OLFM3: variants seen among roughly 807,000 people sequenced by gnomAD.
OLFM3 encodes the protein noelin-3.
In OLFM3, 20 loss-of-function variants were observed where a neutral mutation model predicts 48.6. That is an observed-to-expected ratio of 0.41 (90% CI 0.29 to 0.60). OLFM3 has a LOEUF of 0.60. OLFM3 is among the 20% of genes least tolerant of loss of function. The pLI is 0.28. For synonymous variants in OLFM3, 222 were observed against 198.1 expected (o/e 1.12, Z -1.01); for missense variants, 437 against 544.3 (o/e 0.80, Z 1.96).
At chr1:101,985,331 TAGAA>T (rs1192537435) in intron 1 of OLFM3, among the ~76,000 whole-genome samples, 7 of 152,214 alleles carry the variant, frequency 4.6e-5, no homozygotes, top group African/African-American at 1.7e-4. Context: ...TTTTGCGAAT[TAGAA>T]AGCAGACATC....
intron 1 of OLFM3, among the ~76,000 whole-genome samples, chr1:101,871,635 C>T (rs1657087383): frequency 6.6e-6 from 1 of 151,918 alleles, no homozygotes; most frequent in African/African-American, 2.4e-5. Flanking sequence ...ATAGATAAGT[C>T]ACTCAGGCAC....
At chr1:101,972,497 A>C (rs559968674) in intron 1 of OLFM3, among the ~76,000 whole-genome samples, 9 of 152,154 alleles carry the variant, frequency 5.9e-5, no homozygotes, top group Non-Finnish European at 1.0e-4. Context: ...TCGAGAGTAG[A>C]CTTTAGGATG....
chr1:101,927,508 C>T lies in OLFM3; in HGVS notation c.69+69240G>A, dbSNP rs376445594. On this transcript the variant is annotated intron_variant, in intron 1 of 5. Transcript: ENST00000370103. ...AAGAAGATAATCAGGTTAAAGCTAG[C>T]AGCACTATGGAAAATTTTCTTTCTT... Among the ~76,000 whole-genome samples the T allele has an allele frequency of 8.8e-4, 133 of 151,926 alleles. 3 individuals are homozygous for T. The South Asian group carries it at 0.028, about 32-fold the overall frequency.
At chr1:101,865,527 C>T (rs1021895512) in intron 1 of OLFM3, among the ~76,000 whole-genome samples, 7 of 152,160 alleles carry the variant, frequency 4.6e-5, no homozygotes, top group Non-Finnish European at 1.0e-4. Context: ...TGTGACATTA[C>T]TCCACATGTG....
At chr1:101,993,953 GAA>G (rs11394644) in intron 1 of OLFM3, among the ~76,000 whole-genome samples, 4 of 115,362 alleles carry the variant, frequency 3.5e-5, no homozygotes, top group Non-Finnish European at 1.9e-5. Context: ...TTCAGCGACA[GAA>G]AAAAAAAAAA....
intron 1 of OLFM3, among the ~76,000 whole-genome samples, chr1:101,972,799 C>T (rs917033292): frequency 1.2e-4 from 19 of 152,280 alleles, no homozygotes; most frequent in Non-Finnish European, 2.5e-4. Context: ...AGCTTAGACC[C>T]TCCTCTCACT....
At chr1:101,939,742 G>A (rs1012322663) in intron 1 of OLFM3, among the ~76,000 whole-genome samples, 1 of 152,108 alleles carries the variant, frequency 6.6e-6, no homozygotes, top group Non-Finnish European at 1.5e-5. Context: ...TAGAAAATAT[G>A]GGCTACCTTC....
At chr1:101,983,316 T>G (rs1310723931) in intron 1 of OLFM3, among the ~76,000 whole-genome samples, 2 of 152,224 alleles carry the variant, frequency 1.3e-5, no homozygotes, top group African/African-American at 4.8e-5. Flanking sequence ...AACCTTTCTT[T>G]AAGGATTCCT....
chr1:101,822,933 T>A (rs1463868160), intron 4 of OLFM3, among the ~76,000 whole-genome samples: 4 of 152,050 alleles, frequency 2.6e-5, no homozygotes, highest in Non-Finnish European at 5.9e-5. Context: ...CCTTGCTTAG[T>A]CTTATCATGC....
intron 4 of OLFM3, among the ~76,000 whole-genome samples, chr1:101,823,080 G>A (rs544389651): frequency 1.6e-4 from 24 of 152,092 alleles, no homozygotes; most frequent in African/African-American, 5.8e-4. Context: ...TCCTTATAGA[G>A]TAAATTTATT....
intron 1 of OLFM3, among the ~76,000 whole-genome samples, chr1:101,968,234 T>A (rs1660675478): frequency 6.6e-6 from 1 of 152,186 alleles, no homozygotes; most frequent in Admixed American, 6.5e-5. Flanking sequence ...ACCTACATGA[T>A]GCATTTGGCA....
At chr1:101,812,499 G>A in intron 4 of OLFM3, 1 of 985,336 alleles carries the variant, frequency 1.0e-6, no homozygotes, top group African/African-American at 1.7e-5. Flanking sequence ...CAGATGTTGA[G>A]GTGTGCATAA....
In OLFM3 at chr1:101,804,029, T is replaced by A. The variant is rs779946668; in HGVS notation, c.*209A>T. ...AGTGCTTTTCATGACAAGGACATGATAGGCCTTGTAAATTTAGAAGTTAAG... is the reference window on the plus strand; with the variant it reads ...AGTGCTTTTCATGACAAGGACATGAAAGGCCTTGTAAATTTAGAAGTTAAG... On this transcript the variant is annotated 3_prime_UTR_variant, in exon 6 of 6. Transcript: ENST00000370103. The surrounding 1 kb of genome is among the most constrained non-coding windows in gnomAD (Gnocchi z 4.5). 1 of 433,822 alleles carries A rather than the reference T, an allele frequency of 2.3e-6. No individual in the cohort carries two copies. Among genetic ancestry groups the A allele is most frequent in the Non-Finnish European group, 4.1e-6 (1 of 245,834 alleles). 26.9% of individuals were successfully genotyped at this position (433,822 alleles called of 1,614,324 possible). A position where few individuals can be genotyped will look rare whatever the true frequency, so the allele number is the denominator to read the frequency against.
intron 1 of OLFM3, among the ~76,000 whole-genome samples, chr1:101,859,211 A>G (rs775233684): frequency 1.3e-5 from 2 of 152,112 alleles, no homozygotes; most frequent in Non-Finnish European, 2.9e-5. Flanking sequence ...AAGATTAAAC[A>G]TTGCTACCAC....
At chr1:101,910,090 T>C (rs1353149441) in intron 1 of OLFM3, 2 of 984,160 alleles carry the variant, frequency 2.0e-6, no homozygotes, top group East Asian at 2.3e-4. Flanking sequence ...TTCATATCCC[T>C]TGTCTCAGAG....
At position 101,861,851 on chromosome 1, in the gene OLFM3, A is replaced by T. The variant is rs143139012; in HGVS notation, c.70-24826T>A. On this transcript the variant is annotated intron_variant, in intron 1 of 5. Coordinates refer to ENST00000370103, the MANE Select transcript of OLFM3 (RefSeq NM_058170.4). Reference sequence around the variant, plus strand: ...AATATCTACTGATGAAGCCCACCTGACAAGGTACACCAAAGGCATACTTAT... The same window carrying T: ...AATATCTACTGATGAAGCCCACCTGTCAAGGTACACCAAAGGCATACTTAT... Among the ~76,000 whole-genome samples the T allele has an allele frequency of 4.9e-3, 746 of 152,342 alleles. 1 individual carries two copies. The highest frequency in any genetic ancestry group is 0.01 in the Admixed American group (159 of 15,304).
chr1:101,957,732 G>C (rs1294052333), intron 1 of OLFM3, among the ~76,000 whole-genome samples: 1 of 152,036 alleles, frequency 6.6e-6, no homozygotes, highest in Non-Finnish European at 1.5e-5. Context: ...GGAAGTAAGA[G>C]AGTAACAGTG....
chr1:101,993,636 A>G (rs1661476550), intron 1 of OLFM3, among the ~76,000 whole-genome samples: 1 of 152,148 alleles, frequency 6.6e-6, no homozygotes, highest in African/African-American at 2.4e-5. Flanking sequence ...TACTTTAATT[A>G]ATAGAAAGTA....
chr1:101,889,928 G>T (rs1304762655), intron 1 of OLFM3, among the ~76,000 whole-genome samples: 2 of 151,892 alleles, frequency 1.3e-5, no homozygotes, highest in African/African-American at 2.4e-5. Context: ...TGATAAAAAA[G>T]TCAGAAAAGA....
Sources: allele counts gnomAD v4.1 joint callset (sites outside exome capture counted in the v4.1 genomes callset), GRCh38; gene constraint gnomAD v4.1.1; non-coding constraint Gnocchi (gnomAD v3.1); transcripts MANE v1.5; gene names NCBI Gene and HGNC (gene_info 2026-07-23, HGNC 2026-07-21).